The following ZNF618 variants were observed in gnomAD, a reference collection of about 807,000 sequenced individuals.
ZNF618 encodes zinc finger protein 618, also known as neural precursor cell expressed, developmentally down-regulated 10.
ZNF618 carries 34 observed loss-of-function variants against 103.0 expected under a neutral mutation model. The observed-to-expected ratio is 0.33, with a 90% CI of 0.25 to 0.44. The LOEUF is 0.44. ZNF618 is among the 20% of genes least tolerant of loss of function. The probability of loss-of-function intolerance (pLI) is 1.00; values close to 1 mark genes in which losing one functional copy is unlikely to be tolerated. For missense variants in ZNF618, 1,059 were observed against 1,295.4 expected, an observed-to-expected ratio of 0.82 and a Z score of 2.80; for synonymous variants, 551 against 542.2, an observed-to-expected ratio of 1.02 and a Z score of -0.23.
intron 1 of ZNF618, among the ~76,000 whole-genome samples, chr9:113,897,783 T>G (rs955806428): frequency 2.6e-5 from 4 of 152,148 alleles, no homozygotes; most frequent in Admixed American, 1.3e-4. Flanking sequence ...TGGATTTCGT[T>G]TTTTGTTTTG....
chr9:113,944,309 G>C (rs1293430720), intron 1 of ZNF618, among the ~76,000 whole-genome samples: 2 of 152,026 alleles, frequency 1.3e-5, no homozygotes, highest in Non-Finnish European at 2.9e-5. Context: ...ACAGAGTCTT[G>C]CTCTGTTACC....
intron 11 of ZNF618, 108 bp downstream of exon 11, chr9:114,029,080 G>A (rs1843771808): frequency 1.4e-6 from 2 of 1,432,926 alleles, no homozygotes; most frequent in East Asian, 2.5e-5. Context: ...AAGAGTGGCA[G>A]TCCCGTAGTG....
chr9:113,909,880 G>A (rs528937402), intron 1 of ZNF618, among the ~76,000 whole-genome samples: 1 of 152,124 alleles, frequency 6.6e-6, no homozygotes. Context: ...TGCCTCCTGG[G>A]TTCAAGTGAT....
chr9:114,050,205 A>G lies in ZNF618; in HGVS notation c.*38A>G, dbSNP rs777790693. 2 of 1,508,158 alleles carry G rather than the reference A, an allele frequency of 1.3e-6. No individual in the cohort carries two copies. Among genetic ancestry groups the G allele is most frequent in the Admixed American group, 2.2e-5 (1 of 44,742 alleles). The allele number at this position is 1,508,158 out of a possible 1,614,324, so 93.4% of individuals were successfully genotyped here. Reference sequence around the variant, plus strand: ...GGGGAAAAAAAAAGAAAAAGAGAAGATAACATTAGAAAAAAACCACACAAC... The same window carrying G: ...GGGGAAAAAAAAAGAAAAAGAGAAGGTAACATTAGAAAAAAACCACACAAC... On this transcript the variant is annotated 3_prime_UTR_variant, in exon 15 of 15. Transcript: ENST00000374126.
intron 1 of ZNF618, among the ~76,000 whole-genome samples, chr9:113,894,049 G>A (rs1383994967): frequency 1.3e-5 from 2 of 152,144 alleles, no homozygotes; most frequent in East Asian, 3.8e-4. Context: ...AGTGCTCCAA[G>A]ATGATTTTGT....
chr9:113,940,605 T>A (rs1471567030), intron 1 of ZNF618, among the ~76,000 whole-genome samples: 2 of 152,200 alleles, frequency 1.3e-5, no homozygotes, highest in African/African-American at 4.8e-5. Context: ...ATAATTATTT[T>A]GTTTGCCTTG....
chr9:113,953,731 C>T (rs73554494), intron 1 of ZNF618, among the ~76,000 whole-genome samples: 6,850 of 152,164 alleles, frequency 0.045, 158 homozygotes, highest in African/African-American at 0.054. Flanking sequence ...CTCAGGCTTC[C>T]GGGAACCTGA....
At chr9:113,938,165 G>GTTT (rs770850585) in intron 1 of ZNF618, among the ~76,000 whole-genome samples, 1,833 of 95,348 alleles carry the variant, frequency 0.019, 80 homozygotes, top group African/African-American at 0.035. Context: ...TCAGGCTCCT[G>GTTT]TTTTTTTTTT....
chr9:113,960,052 A>G (rs1836701264), intron 1 of ZNF618, among the ~76,000 whole-genome samples: 1 of 152,260 alleles, frequency 6.6e-6, no homozygotes, highest in South Asian at 2.1e-4. Flanking sequence ...AGGTTTCTCA[A>G]CAGCTGCTGC....
At chr9:113,929,083 ACT>A (rs1833347896) in intron 1 of ZNF618, among the ~76,000 whole-genome samples, 1 of 152,046 alleles carries the variant, frequency 6.6e-6, no homozygotes, top group Admixed American at 6.5e-5. Context: ...TCCACCCCCA[ACT>A]CCACATTCAT....
chr9:113,928,725 C>A lies in ZNF618; in HGVS notation c.34-40392C>A, dbSNP rs576334433. 3.3e-5 allele frequency among the ~76,000 whole-genome samples: 5 copies of A among 152,286 alleles called. No homozygotes were observed. The South Asian group carries it at 1.0e-3, about 32-fold the overall frequency. ...TAGAATCTGTGTCTTGCAGCTGTCT[C>A]ATTTGTAATCCACTCTTATTATATT... On this transcript the variant is annotated intron_variant, in intron 1 of 14. Transcript: ENST00000374126.
rs907300608 is a variant in ZNF618, at chr9:114,023,343, C to T, written c.845-5390C>T. On this transcript the variant is annotated intron_variant, in intron 10 of 14. Transcript: ENST00000374126. Reference sequence around the variant, plus strand: ...ATGTTTCATATGTTACAGTCCACCACGAATTTATATCATAACACATTACAT... The same window carrying T: ...ATGTTTCATATGTTACAGTCCACCATGAATTTATATCATAACACATTACAT... Among the ~76,000 whole-genome samples, 7 of 151,970 alleles carry T rather than the reference C, an allele frequency of 4.6e-5. No individual in the cohort carries two copies. In the East Asian group the frequency reaches 9.6e-4, roughly 21 times the overall value.
intron 1 of ZNF618, among the ~76,000 whole-genome samples, chr9:113,904,280 T>C (rs1377099068): frequency 2.0e-5 from 3 of 152,134 alleles, no homozygotes; most frequent in African/African-American, 4.8e-5. Flanking sequence ...TGGGTCTTTT[T>C]ATATCTCCTG....
At chr9:114,001,882 C>T (rs1841245061) in intron 4 of ZNF618, 114 bp from the exon 5 acceptor site, 2 of 894,608 alleles carry the variant, frequency 2.2e-6, no homozygotes, top group East Asian at 5.0e-5. Flanking sequence ...TGCCAGGGAC[C>T]ATCTCTGCCC....
Position 113,936,850 on chromosome 9 carries a change from C to T in ZNF618, c.34-32267C>T, listed in dbSNP as rs189040698. Among the ~76,000 whole-genome samples the T allele has an allele frequency of 2.1e-3, 319 of 152,064 alleles. 1 individual carries two copies. The highest frequency in any genetic ancestry group is 3.4e-3 in the Middle Eastern group (1 of 294). Reference sequence around the variant, plus strand: ...ATTTTTTCTTGTTTAGCTATTTAATCCATGTGGGATTTCTTTTTGTGTGTT... The same window carrying T: ...ATTTTTTCTTGTTTAGCTATTTAATTCATGTGGGATTTCTTTTTGTGTGTT... On this transcript the variant is annotated intron_variant, in intron 1 of 14. Coordinates refer to ENST00000374126, the MANE Select transcript of ZNF618 (RefSeq NM_001318042.2).
At chr9:113,926,795 T>C (rs1027266634) in intron 1 of ZNF618, among the ~76,000 whole-genome samples, 1 of 152,182 alleles carries the variant, frequency 6.6e-6, no homozygotes, top group African/African-American at 2.4e-5. Context: ...GGTGGATCGC[T>C]TGAGCTCAAG....
intron 1 of ZNF618, among the ~76,000 whole-genome samples, chr9:113,951,542 TGTAC>T (rs1170951388): frequency 3.4e-5 from 2 of 58,920 alleles, no homozygotes; most frequent in African/African-American, 1.0e-4. Context: ...TGTGTACATA[TGTAC>T]ACATATGTGT....
chr9:113,907,482 C>T (rs763609777), intron 1 of ZNF618, among the ~76,000 whole-genome samples: 7 of 152,314 alleles, frequency 4.6e-5, no homozygotes, highest in Non-Finnish European at 8.8e-5. Context: ...CTCTTGCCAC[C>T]CCGGGCAGGG....
At chr9:113,932,926 G>C (rs910444206) in intron 1 of ZNF618, among the ~76,000 whole-genome samples, 2 of 152,154 alleles carry the variant, frequency 1.3e-5, no homozygotes, top group Non-Finnish European at 1.5e-5. Context: ...CATATAGATG[G>C]CATTTAATAG....
Sources: gnomAD v4.1 joint callset for allele counts (sites outside exome capture counted in the v4.1 genomes callset) on GRCh38, gnomAD v4.1.1 for gene constraint, MANE v1.5 for transcripts, NCBI Gene and HGNC (gene_info 2026-07-23, HGNC 2026-07-21) for gene names.